Variants in SV2C observed in about 807,000 individuals in gnomAD.
SV2C encodes solute carrier family 22 member B3.
SV2C carries 49 observed loss-of-function variants against 79.7 expected under a neutral mutation model. That is an observed-to-expected ratio of 0.61 (90% confidence interval 0.49 to 0.78). The LOEUF is 0.78. Ranked by LOEUF, SV2C falls within the 30% of genes least tolerant of loss-of-function variation. The probability of loss-of-function intolerance (pLI) is 0.00; values close to 1 mark genes in which losing one functional copy is unlikely to be tolerated. For synonymous variants in SV2C, 334 were observed against 333.2 expected (o/e 1.00, Z -0.03); for missense variants, 833 against 912.9 (o/e 0.91, Z 1.13).
chr5:75,954,354 T>A, the SV2C span, among the ~76,000 whole-genome samples: 1 of 152,002 alleles, frequency 6.6e-6, no homozygotes, highest in Non-Finnish European at 1.5e-5. Context: ...AAAGAGCCTA[T>A]CATCTCTTGT....
intron 4 of SV2C, chr5:76,242,355 G>A: frequency 7.9e-7 from 1 of 1,268,012 alleles, no homozygotes; most frequent in South Asian, 1.2e-5. Context: ...GCGGCGCGCG[G>A]GCTTTGGTCG....
chr5:76,237,345 C>G (rs1310822037), intron 4 of SV2C, among the ~76,000 whole-genome samples: 1 of 152,046 alleles, frequency 6.6e-6, no homozygotes, highest in African/African-American at 2.4e-5. Context: ...CAAATTCTTC[C>G]CATATCTATA....
At position 76,236,423 on chromosome 5, in the gene SV2C, A is replaced by C. The variant is rs1745613521; in HGVS notation, c.913+26536A>C. On this transcript the variant is annotated intron_variant, in intron 4 of 12. Transcript: ENST00000502798. ...ACTAAAAATACAGAATTATCCAGGCATGGTGGCAGGTGCCTATAATCCCAG... is the reference window on the plus strand; with the variant it reads ...ACTAAAAATACAGAATTATCCAGGCCTGGTGGCAGGTGCCTATAATCCCAG... Among the ~76,000 whole-genome samples, 11 of 152,134 alleles carry C rather than the reference A, an allele frequency of 7.2e-5. No individual in the cohort carries two copies. The South Asian group carries it at 2.3e-3, about 32-fold the overall frequency.
intron 2 of SV2C, among the ~76,000 whole-genome samples, chr5:76,177,932 G>A (rs190675632): frequency 1.3e-5 from 2 of 152,190 alleles, no homozygotes; most frequent in African/African-American, 4.8e-5. Context: ...TCACTGTGCT[G>A]ATATAGAGGA....
intron 2 of SV2C, among the ~76,000 whole-genome samples, chr5:76,173,134 A>T (rs1040625681): frequency 1.3e-5 from 2 of 148,650 alleles, no homozygotes; most frequent in Non-Finnish European, 3.0e-5. Context: ...GTACAATAAT[A>T]ATGACCTTGA....
At chr5:75,897,929 A>G in the SV2C span, among the ~76,000 whole-genome samples, 1 of 151,842 alleles carries the variant, frequency 6.6e-6, no homozygotes, top group Non-Finnish European at 1.5e-5. Context: ...GTATCCTGAG[A>G]CTTTGCTGAA....
the SV2C span, among the ~76,000 whole-genome samples, chr5:75,903,378 TAAAA>T: frequency 0.015 from 2,202 of 146,360 alleles, 30 homozygotes; most frequent in African/African-American, 0.04. Context: ...TTTTTTTTTT[TAAAA>T]AAAAAAGAAA....
chr5:76,153,320 C>T (rs1191261831), intron 2 of SV2C, among the ~76,000 whole-genome samples: 1 of 152,170 alleles, frequency 6.6e-6, no homozygotes. Context: ...GATATTGTAC[C>T]TTCCTTCGGC....
chr5:75,924,732 T>G, the SV2C span, among the ~76,000 whole-genome samples: 5 of 151,462 alleles, frequency 3.3e-5, no homozygotes, highest in Admixed American at 1.3e-4. Context: ...GAAATTAAAA[T>G]TAGGCCTTTC....
rs1365570287 is a variant in SV2C at position 76,300,729 on chromosome 5, AT to A, written c.1641del (p.Phe547LeufsTer57). On this transcript the variant is annotated frameshift_variant and splice_region_variant, in exon 11 of 13. Coordinates refer to ENST00000502798, the MANE Select transcript of SV2C (RefSeq NM_014979.4). LOFTEE classifies it high-confidence loss of function. Reference protein sequence around the residue: ...TFIDTVFDNTDFEPYKFIDSE... With the variant: ...TFIDTVFDNTXFEPYKFIDSE... ...ATTGTCTTTGTTGTTGTTTCTACAG[AT>A]TTTGAGCCATATAAATTCATTGACA... is the stretch of plus-strand genomic sequence containing the variant. The A allele has an allele frequency of 6.2e-7, 1 of 1,613,950 alleles. No individual in the cohort carries two copies. The highest frequency in any genetic ancestry group is 8.5e-7 in the Non-Finnish European group (1 of 1,179,870).
chr5:75,876,813 A>G, the SV2C span, among the ~76,000 whole-genome samples: 1 of 152,126 alleles, frequency 6.6e-6, no homozygotes, highest in African/African-American at 2.4e-5. Context: ...AGTGGTTAAT[A>G]TTATTAGGCA....
chr5:76,090,905 T>C (rs920450679), intron 1 of SV2C, among the ~76,000 whole-genome samples: 18 of 152,232 alleles, frequency 1.2e-4, no homozygotes, highest in African/African-American at 4.3e-4. Context: ...AACAGCCATG[T>C]ATTTTGGCAG....
chr5:75,988,699 A>C, the SV2C span, among the ~76,000 whole-genome samples: 1 of 151,998 alleles, frequency 6.6e-6, no homozygotes, highest in Admixed American at 6.6e-5. Flanking sequence ...GAGGAAACCC[A>C]GAACAAAAGG....
chr5:76,108,359 G>A (rs1270381789), intron 1 of SV2C, among the ~76,000 whole-genome samples: 1 of 152,140 alleles, frequency 6.6e-6, no homozygotes, highest in Non-Finnish European at 1.5e-5. Context: ...GCGTTCTCTA[G>A]GGATAAAAGA....
chr5:76,128,751 T>C (rs79988022), intron 1 of SV2C, among the ~76,000 whole-genome samples: 6,340 of 152,286 alleles, frequency 0.042, 423 homozygotes, highest in African/African-American at 0.14. Flanking sequence ...TTGTTTTTCA[T>C]TGAAACAAAG....
At chr5:75,915,397 T>C in the SV2C span, among the ~76,000 whole-genome samples, 7 of 152,188 alleles carry the variant, frequency 4.6e-5, no homozygotes, top group African/African-American at 1.7e-4. Flanking sequence ...GTAAGTAGGA[T>C]TCCTTAAAAC....
chr5:76,146,797 TAAAAAAAAAAAAA>T (rs34569063), intron 2 of SV2C, among the ~76,000 whole-genome samples: 1 of 39,348 alleles, frequency 2.5e-5, no homozygotes, highest in Admixed American at 2.9e-4. Flanking sequence ...AGTTTTTTTT[TAAAAAAAAAAAAA>T]AAAAAAAAAA....
chr5:76,296,072 T>A (rs1250839664), intron 9 of SV2C, 130 bp downstream of exon 9: 1 of 859,570 alleles, frequency 1.2e-6, no homozygotes, highest in African/African-American at 1.7e-5. Flanking sequence ...GTCATTTTCA[T>A]GATGAATTTC....
chr5:76,215,633 C>T (rs761288416), intron 4 of SV2C, among the ~76,000 whole-genome samples: 39 of 152,162 alleles, frequency 2.6e-4, no homozygotes, highest in Non-Finnish European at 4.3e-4. Context: ...AGAGCGGGTC[C>T]GCCCCTGCTG....
Sources: allele counts gnomAD v4.1 joint callset (sites outside exome capture counted in the v4.1 genomes callset), GRCh38; gene constraint gnomAD v4.1.1; transcripts MANE v1.5; gene names NCBI Gene and HGNC (gene_info 2026-07-23, HGNC 2026-07-21).